GYS2: variants seen among roughly 807,000 people sequenced by gnomAD.
The protein encoded by GYS2 is glycogen [starch] synthase, liver.
GYS2 carries 80 observed loss-of-function variants against 85.6 expected under a neutral mutation model. The observed-to-expected ratio is 0.93, with a 90% CI of 0.78 to 1.13. The LOEUF is 1.13. Among genes scored for constraint, GYS2 ranks in the 50% most tolerant of loss-of-function variants. The pLI, the probability that GYS2 is intolerant of heterozygous loss-of-function variation, is 0.00. For synonymous variants in GYS2, 328 were observed against 300.7 expected, an observed-to-expected ratio of 1.09 and a Z score of -0.94; for missense variants, 881 against 854.9, an observed-to-expected ratio of 1.03 and a Z score of -0.38.
chr12:21,537,277 T>A (rs1161810827), intron 15 of GYS2, 102 bp from the exon 16 acceptor site: 1 of 797,020 alleles, frequency 1.3e-6, no homozygotes, highest in Non-Finnish European at 2.2e-6. Flanking sequence ...TAGTTATCTA[T>A]CTTTTGTAGT....
chr12:21,584,168 G>T (rs1208634102), intron 1 of GYS2, among the ~76,000 whole-genome samples: 1 of 152,192 alleles, frequency 6.6e-6, no homozygotes, highest in Non-Finnish European at 1.5e-5. Flanking sequence ...CAGTGTGCCT[G>T]GTTGTGCACT....
Position 21,559,093 on chromosome 12 carries a change from G to T in GYS2, c.1306C>A (p.Gln436Lys). The T allele has an allele frequency of 6.3e-7, 1 of 1,576,806 alleles. No individual in the cohort carries two copies. Among genetic ancestry groups the T allele is most frequent in the South Asian group, 1.1e-5 (1 of 89,944 alleles). Reference protein sequence around the residue: ...TIMKRAIFSTQRQSLPPVTTH... With the variant: ...TIMKRAIFSTKRQSLPPVTTH... ...GTGGGTGCTTTTTTCCTTATTACCT[G>T]AGTTGAAAAGATGGCTCTTTTCATA... The change falls in exon 10 of 16, where the codon CAG (glutamine) becomes AAG (lysine). Residue 436 changes from glutamine (Q) to lysine (K), a missense_variant and splice_region_variant. By Grantham distance (53) the Gln-to-Lys change is moderately conservative. Coordinates refer to ENST00000261195, the MANE Select transcript of GYS2 (RefSeq NM_021957.4).
intron 11 of GYS2, among the ~76,000 whole-genome samples, chr12:21,551,169 C>T (rs552472445): frequency 1.9e-5 from 2 of 107,998 alleles, no homozygotes; most frequent in African/African-American, 3.7e-5. Flanking sequence ...CCTCCCCCCA[C>T]CCCACAACAG....
chr12:21,572,209 C>T (rs956954979), intron 4 of GYS2, among the ~76,000 whole-genome samples: 1 of 151,998 alleles, frequency 6.6e-6, no homozygotes, highest in Non-Finnish European at 1.5e-5. Flanking sequence ...CTTAAACCAG[C>T]GTTAGAGTTT....
chr12:21,601,527 C>G (rs1944756393), intron 1 of GYS2, among the ~76,000 whole-genome samples: 1 of 152,124 alleles, frequency 6.6e-6, no homozygotes, highest in African/African-American at 2.4e-5. Context: ...ATATAGTTCT[C>G]TCACATAGAA....
chr12:21,571,518 G>A (rs1274977378), intron 4 of GYS2, among the ~76,000 whole-genome samples: 2 of 152,174 alleles, frequency 1.3e-5, no homozygotes, highest in Non-Finnish European at 1.5e-5. Flanking sequence ...TGACACATGT[G>A]GATAACCCTG....
intron 14 of GYS2, 60 bp from the exon 15 acceptor site, chr12:21,539,398 G>A (rs1283281449): frequency 2.2e-6 from 2 of 910,924 alleles, no homozygotes; most frequent in Non-Finnish European, 3.7e-6. Context: ...CAATAATCAA[G>A]TTATTAAATA....
intron 4 of GYS2, among the ~76,000 whole-genome samples, chr12:21,569,611 C>T (rs1944362764): frequency 6.6e-6 from 1 of 152,136 alleles, no homozygotes; most frequent in African/African-American, 2.4e-5. Context: ...AAGTCAAATT[C>T]CCAACAATCA....
chr12:21,546,344 C>T lies in GYS2; in HGVS notation c.1549G>A (p.Ala517Thr), dbSNP rs199936257. ...SYYEPWGYTP[A>T]ECTVMGIPSV... ...TCCACACTCTATACATGACACATAC[C>T]TGGAGTATAACCCCAGGGTTCATAG... Residue 517 changes from alanine (A) to threonine (T), a missense_variant and splice_region_variant, in exon 12 of 16, where the codon GCT becomes ACT. Transcript: ENST00000261195. 2 of 1,598,882 alleles carry T rather than the reference C, an allele frequency of 1.3e-6. No individual in the cohort carries two copies. The highest frequency in any genetic ancestry group is 1.7e-6 in the Non-Finnish European group (2 of 1,166,954).
intron 11 of GYS2, 55 bp from the exon 12 acceptor site, chr12:21,546,525 A>G: frequency 8.2e-7 from 1 of 1,216,066 alleles, no homozygotes; most frequent in Non-Finnish European, 1.2e-6. Context: ...AGTAAAGTGA[A>G]AAATCTCCTA....
intron 1 of GYS2, among the ~76,000 whole-genome samples, chr12:21,591,876 G>GTTA (rs1394107162): frequency 1.3e-5 from 2 of 152,038 alleles, no homozygotes; most frequent in African/African-American, 4.8e-5. Flanking sequence ...CACCAAGGAT[G>GTTA]TTATACCCAG....
intron 1 of GYS2, among the ~76,000 whole-genome samples, chr12:21,601,142 G>A (rs1334622272): frequency 1.3e-5 from 2 of 152,060 alleles, no homozygotes; most frequent in Non-Finnish European, 2.9e-5. Flanking sequence ...GCAAGTGTGT[G>A]CAGAAGAAAT....
At chr12:21,571,336 C>T (rs757645824) in intron 4 of GYS2, among the ~76,000 whole-genome samples, 64 of 152,236 alleles carry the variant, frequency 4.2e-4, no homozygotes, top group Admixed American at 1.4e-3. Context: ...ATCTTAAAAT[C>T]TCTGTACAAT....
chr12:21,563,121 A>T (rs1473422), intron 6 of GYS2, 83 bp from the exon 7 acceptor site: 1 of 1,212,244 alleles, frequency 8.2e-7, no homozygotes, highest in South Asian at 1.2e-5. Flanking sequence ...TTAATGTACA[A>T]AGGGGGCTGG....
At chr12:21,554,207 T>C (rs1341316605) in intron 11 of GYS2, among the ~76,000 whole-genome samples, 1 of 145,566 alleles carries the variant, frequency 6.9e-6, no homozygotes, top group Non-Finnish European at 1.5e-5. Flanking sequence ...AGGAAGGAAG[T>C]GAGCAAGGAA....
intron 1 of GYS2, among the ~76,000 whole-genome samples, chr12:21,587,327 G>A (rs930962742): frequency 1.3e-5 from 2 of 152,170 alleles, no homozygotes; most frequent in African/African-American, 4.8e-5. Context: ...CTTGTACCCT[G>A]ATACAGCTTG....
At chr12:21,551,397 A>G (rs1287596289) in intron 11 of GYS2, among the ~76,000 whole-genome samples, 3 of 152,052 alleles carry the variant, frequency 2.0e-5, no homozygotes, top group Non-Finnish European at 4.4e-5. Context: ...ATATTACCTC[A>G]TTTAATCTTA....
rs1409635734 is a variant in GYS2, at chr12:21,580,386, C to A, written c.259G>T (p.Ala87Ser). 6.2e-7 allele frequency: 1 copy of A among 1,613,950 alleles called. No homozygotes were observed. The highest frequency in any genetic ancestry group is 1.1e-5 in the South Asian group (1 of 91,078). Residue 87 changes from alanine to serine, a missense_variant, in exon 2 of 16, where the codon GCT (alanine) becomes TCT (serine). By Grantham distance (99) the Ala-to-Ser change is moderately conservative (BLOSUM62 1). Coordinates refer to ENST00000261195, the MANE Select transcript of GYS2 (RefSeq NM_021957.4). ...ATTGCGTCCACTGCTCTTCTGACAG[C>A]ATCATTTACAGGTTCACACTGTTCC... ...QVEQCEPVND[A>S]VRRAVDAMNK...
At chr12:21,537,243 T>C (rs1943920892) in intron 15 of GYS2, 68 bp from the exon 16 acceptor site, 1 of 1,049,694 alleles carries the variant, frequency 9.5e-7, no homozygotes, top group African/African-American at 1.6e-5. Flanking sequence ...GTAAATACTA[T>C]GCATGCACTA....
Sources: allele counts gnomAD v4.1 joint callset (sites outside exome capture counted in the v4.1 genomes callset), GRCh38; gene constraint gnomAD v4.1.1; transcripts MANE v1.5; gene names NCBI Gene and HGNC (gene_info 2026-07-23, HGNC 2026-07-21).